Variants in OLFM3 observed in about 807,000 individuals in gnomAD.
The protein encoded by OLFM3 is olfactomedin 3.
In OLFM3, 20 loss-of-function variants were observed where a neutral mutation model predicts 48.6. That is an observed-to-expected ratio of 0.41 (90% confidence interval 0.29 to 0.60). The LOEUF is 0.60. Among genes scored for constraint, OLFM3 ranks in the 20% least tolerant of loss-of-function variants. The pLI is 0.28. For missense variants in OLFM3, 437 were observed against 544.3 expected (o/e 0.80, Z 1.96); for synonymous variants, 222 against 198.1 (o/e 1.12, Z -1.01).
chr1:101,921,136 G>A (rs1348626514), intron 1 of OLFM3, among the ~76,000 whole-genome samples: 1 of 150,806 alleles, frequency 6.6e-6, no homozygotes, highest in African/African-American at 2.4e-5. Flanking sequence ...AAAATGTCTG[G>A]TAATCTCTTA....
intron 3 of OLFM3, among the ~76,000 whole-genome samples, chr1:101,826,498 A>G (rs1654873151): frequency 6.6e-6 from 1 of 152,190 alleles, no homozygotes; most frequent in Non-Finnish European, 1.5e-5. Flanking sequence ...TTTAAATTAC[A>G]TTCAGGAGAT....
intron 4 of OLFM3, among the ~76,000 whole-genome samples, chr1:101,820,507 C>T (rs886430946): frequency 1.2e-4 from 19 of 152,032 alleles, no homozygotes; most frequent in African/African-American, 4.6e-4. Flanking sequence ...TTATCCTATT[C>T]CATCTTTCAT....
At chr1:101,883,227 CT>C (rs1314963845) in intron 1 of OLFM3, among the ~76,000 whole-genome samples, 1 of 151,182 alleles carries the variant, frequency 6.6e-6, no homozygotes, top group African/African-American at 2.4e-5. Context: ...AGCTTGACTC[CT>C]GGAGGATCCT....
At chr1:101,858,025 G>T (rs958326862) in intron 1 of OLFM3, among the ~76,000 whole-genome samples, 1 of 151,780 alleles carries the variant, frequency 6.6e-6, no homozygotes, top group African/African-American at 2.4e-5. Flanking sequence ...CAATCCATAA[G>T]GTTTTAAAGA....
chr1:101,910,204 C>T (rs769246887), intron 1 of OLFM3: 13 of 868,528 alleles, frequency 1.5e-5, no homozygotes, highest in African/African-American at 1.8e-5. Flanking sequence ...CGGTCGCTCA[C>T]GCCTGTAATC....
intron 1 of OLFM3, among the ~76,000 whole-genome samples, chr1:101,852,013 CT>C (rs113146274): frequency 1.4e-3 from 209 of 152,190 alleles, no homozygotes; most frequent in African/African-American, 4.5e-3. Context: ...GTAGACAGCC[CT>C]AGGTTATATC....
chr1:101,919,794 C>T (rs1261210522), intron 1 of OLFM3, among the ~76,000 whole-genome samples: 2 of 152,112 alleles, frequency 1.3e-5, no homozygotes, highest in Non-Finnish European at 2.9e-5. Context: ...CAGTCATTTA[C>T]CTAAACTCCC....
chr1:101,859,447 A>C (rs1228256704), intron 1 of OLFM3, among the ~76,000 whole-genome samples: 3 of 152,118 alleles, frequency 2.0e-5, no homozygotes, highest in African/African-American at 7.3e-5. Flanking sequence ...GATTTTGTGA[A>C]TAATTAGATG....
At chr1:101,828,066 G>GTCTCTCTCTCTCTCTCTC (rs200924384) in intron 3 of OLFM3, among the ~76,000 whole-genome samples, 11 of 141,898 alleles carry the variant, frequency 7.8e-5, no homozygotes, top group Admixed American at 2.2e-4. Flanking sequence ...CTCTCTCTCT[G>GTCTCTCTCTCTCTCTCTC]TCTCTCTCTC....
At chr1:101,973,373 C>T (rs570018499) in intron 1 of OLFM3, among the ~76,000 whole-genome samples, 2 of 152,304 alleles carry the variant, frequency 1.3e-5, no homozygotes, top group Non-Finnish European at 2.9e-5. Context: ...TGCACCCTTC[C>T]TCTTTTTTTA....
chr1:101,858,011 A>G (rs1656500697), intron 1 of OLFM3, among the ~76,000 whole-genome samples: 1 of 152,080 alleles, frequency 6.6e-6, no homozygotes, highest in Admixed American at 6.6e-5. Context: ...TTTACATTTT[A>G]TTGCAATCCA....
chr1:101,889,311 A>G (rs1268618727), intron 1 of OLFM3, among the ~76,000 whole-genome samples: 1 of 152,204 alleles, frequency 6.6e-6, no homozygotes, highest in East Asian at 1.9e-4. Flanking sequence ...ACCATGGAAT[A>G]CTATGCATCC....
chr1:101,851,483 G>A (rs1656219225), intron 1 of OLFM3, among the ~76,000 whole-genome samples: 1 of 152,080 alleles, frequency 6.6e-6, no homozygotes, highest in African/African-American at 2.4e-5. Context: ...TAGAGAAGGT[G>A]GAAAGTTTTG....
intron 3 of OLFM3, among the ~76,000 whole-genome samples, chr1:101,826,491 A>C (rs1218702105): frequency 1.3e-5 from 2 of 152,204 alleles, no homozygotes; most frequent in African/African-American, 2.4e-5. Flanking sequence ...TTGCATTTTT[A>C]AATTACATTC....
intron 1 of OLFM3, among the ~76,000 whole-genome samples, chr1:101,951,922 G>T (rs1410329856): frequency 6.6e-6 from 1 of 152,026 alleles, no homozygotes; most frequent in South Asian, 2.1e-4. Context: ...ATTGTAAATG[G>T]AAAGGTGTTG....
chr1:101,912,036 C>G (rs1193853701), intron 1 of OLFM3, among the ~76,000 whole-genome samples: 3 of 152,170 alleles, frequency 2.0e-5, no homozygotes, highest in African/African-American at 7.2e-5. Flanking sequence ...GACAGGTCCT[C>G]AGCCAGGAGA....
chr1:101,848,638 G>T lies in OLFM3; in HGVS notation c.70-11613C>A, dbSNP rs188369912. Among the ~76,000 whole-genome samples the T allele has an allele frequency of 2.0e-4, 31 of 151,774 alleles. No individual in the cohort carries two copies. In the East Asian group the frequency reaches 5.4e-3, roughly 27 times the overall value. On this transcript the variant is annotated intron_variant, in intron 1 of 5. Coordinates refer to ENST00000370103, the MANE Select transcript of OLFM3 (RefSeq NM_058170.4). ...CATGCCATATGAAAAACCAATAAAG[G>T]CACAATATTTTATGTATTAAACTTA...
In OLFM3 at chr1:101,804,262, G is replaced by T. The variant is rs753334042; in HGVS notation, c.1353C>A (p.Ile451=). The stretch of plus-strand genomic sequence containing the variant: ...CCTATGTGTCATCCTCTGTCTTGAT[G>T]ATATGGAAAAGGGTGACATTGAACA... ...QVLFNVTLFH[I]IKTEDDT The change falls in exon 6 of 6, where the codon ATC becomes ATA. Residue 451 remains isoleucine (I), a synonymous_variant. Coordinates refer to ENST00000370103, the MANE Select transcript of OLFM3 (RefSeq NM_058170.4). The surrounding 1 kb of genome is among the most constrained non-coding windows in gnomAD (Gnocchi z 4.5). 106 of 1,601,334 alleles carry T rather than the reference G, an allele frequency of 6.6e-5. No individual in the cohort carries two copies. The highest frequency in any genetic ancestry group is 8.3e-5 in the Non-Finnish European group (97 of 1,173,874).
At chr1:101,897,080 C>G (rs895550266) in intron 1 of OLFM3, among the ~76,000 whole-genome samples, 6 of 152,102 alleles carry the variant, frequency 3.9e-5, no homozygotes, top group African/African-American at 1.4e-4. Context: ...ATGTGGAAAT[C>G]CTGATCTAGA....
Sources: gnomAD v4.1 joint callset for allele counts (sites outside exome capture counted in the v4.1 genomes callset) on GRCh38, gnomAD v4.1.1 for gene constraint, Gnocchi (gnomAD v3.1) non-coding constraint, MANE v1.5 for transcripts, NCBI Gene and HGNC (gene_info 2026-07-23, HGNC 2026-07-21) for gene names.